Variants in PGAP4 observed in about 807,000 individuals in gnomAD.
PGAP4 encodes GPI-N-acetylgalactosamine transferase PGAP4.
In PGAP4, 12 loss-of-function variants were observed where a neutral mutation model predicts 28.2. The ratio of observed to expected loss-of-function variants is 0.42; its 90% CI spans 0.27 to 0.69. PGAP4 has a LOEUF of 0.69. Ranked by LOEUF, PGAP4 falls within the 30% of genes least tolerant of loss-of-function variation. PGAP4 has a pLI of 0.22. For missense variants in PGAP4, 425 were observed against 513.5 expected (o/e 0.83, Z 1.67); for synonymous variants, 205 against 211.8 (o/e 0.97, Z 0.28).
At chr9:101,498,856 T>C (rs946831474) in intron 2 of PGAP4, among the ~76,000 whole-genome samples, 4 of 152,062 alleles carry the variant, frequency 2.6e-5, no homozygotes, top group Admixed American at 2.6e-4. Flanking sequence ...TTTAATTAGC[T>C]ATCTTGTGTC....
intron 2 of PGAP4, among the ~76,000 whole-genome samples, chr9:101,500,436 T>G (rs2118592265): frequency 6.6e-6 from 1 of 152,168 alleles, no homozygotes; most frequent in African/African-American, 2.4e-5. Context: ...GCCTCCTTCT[T>G]ACAAGGACAC....
At position 101,476,236 on chromosome 9, in the gene PGAP4, C is replaced by G; in HGVS notation, c.857G>C (p.Arg286Pro). ...LTWIYMRFASRPGFSWPVMLF... is the reference protein window; with the variant it reads ...LTWIYMRFASPPGFSWPVMLF... ...CATTACAGGCCAGCTAAACCCTGGG[C>G]GGCTGGCAAACCTCATGTATATCCA... Residue 286 changes from arginine (R) to proline (P), a missense_variant, in exon 2 of 2, where the codon CGC (arginine) becomes CCC (proline). Arg to Pro is a moderately radical substitution (Grantham distance 103). Transcript: ENST00000374848. The surrounding 1 kb of genome is among the most constrained non-coding windows in gnomAD (Gnocchi z 7.0). The G allele has an allele frequency of 6.2e-7, 1 of 1,614,096 alleles. No individual in the cohort carries two copies. Among genetic ancestry groups the G allele is most frequent in the Non-Finnish European group, 8.5e-7 (1 of 1,180,012 alleles).
At chr9:101,524,652 G>A (rs1324751153) in intron 2 of PGAP4, among the ~76,000 whole-genome samples, 1 of 152,186 alleles carries the variant, frequency 6.6e-6, no homozygotes, top group Non-Finnish European at 1.5e-5. Context: ...GGGCCTTACT[G>A]CTGCTTCCTC....
At chr9:101,515,040 G>A (rs1421529617) in intron 2 of PGAP4, among the ~76,000 whole-genome samples, 2 of 152,152 alleles carry the variant, frequency 1.3e-5, no homozygotes, top group African/African-American at 4.8e-5. Flanking sequence ...TGAGTGCTAT[G>A]TTAGTTTTCT....
chr9:101,522,757 G>A (rs1452095436), intron 2 of PGAP4, among the ~76,000 whole-genome samples: 2 of 152,070 alleles, frequency 1.3e-5, no homozygotes, highest in African/African-American at 4.8e-5. Context: ...TCATGTTTTT[G>A]TTGCCTGAGT....
intron 2 of PGAP4, among the ~76,000 whole-genome samples, chr9:101,500,592 A>G (rs1476585357): frequency 6.6e-6 from 1 of 151,736 alleles, no homozygotes; most frequent in African/African-American, 2.4e-5. Flanking sequence ...GGAAATAGAT[A>G]TCTTTGGGGG....
Position 101,474,679 on chromosome 9 carries a change from C to A in PGAP4, c.*1202G>T, listed in dbSNP as rs189445062. On this transcript the variant is annotated 3_prime_UTR_variant, in exon 2 of 2. Transcript: ENST00000374848. ...CTGGTACATAGGTGGCAGCTCCATG[C>A]CCTATCTCATACTTTAAACAACATC... The A allele has an allele frequency of 9.8e-5, 15 of 152,310 alleles. No homozygotes were observed. In the South Asian group the frequency reaches 1.2e-3, roughly 13 times the overall value. 9.4% of individuals were successfully genotyped at this position (152,310 alleles called of 1,614,324 possible). A position where few individuals can be genotyped will look rare whatever the true frequency, so the allele number is the denominator to read the frequency against.
rs964963937 is a variant in PGAP4 at position 101,473,718 on chromosome 9, G to A, written c.*2163C>T. 2 of 152,238 alleles carry A rather than the reference G, an allele frequency of 1.3e-5. No individual in the cohort carries two copies. Among genetic ancestry groups the A allele is most frequent in the African/African-American group, 4.8e-5 (2 of 41,438 alleles). The allele number at this position is 152,238 out of a possible 1,614,324, so 9.4% of individuals were successfully genotyped here. A position where few individuals can be genotyped will look rare whatever the true frequency, so the allele number is the denominator to read the frequency against. ...TAAACCAGCAGTGCTTCCCTATCTT[G>A]GGCCTGGCTAGCTTAAAGGGGCTCT... On this transcript the variant is annotated 3_prime_UTR_variant, in exon 2 of 2. Transcript: ENST00000374848.
At chr9:101,501,879 G>A in intron 2 of PGAP4, 1 of 440,354 alleles carries the variant, frequency 2.3e-6, no homozygotes, top group Non-Finnish European at 4.5e-6. Flanking sequence ...ATGATCTGGT[G>A]GAACATGTTT....
chr9:101,498,649 A>G (rs1234854844), intron 2 of PGAP4, among the ~76,000 whole-genome samples: 2 of 152,030 alleles, frequency 1.3e-5, no homozygotes, highest in East Asian at 3.9e-4. Context: ...TTAACTGTAT[A>G]GTTGCAGGTT....
intron 2 of PGAP4, among the ~76,000 whole-genome samples, chr9:101,499,203 A>G (rs1564098513): frequency 6.6e-6 from 1 of 152,044 alleles, no homozygotes; most frequent in East Asian, 1.9e-4. Flanking sequence ...TAGATCCCAA[A>G]TAAAGTAAAA....
intron 2 of PGAP4, among the ~76,000 whole-genome samples, chr9:101,495,544 A>G (rs2118583468): frequency 6.9e-6 from 1 of 145,550 alleles, no homozygotes; most frequent in African/African-American, 2.5e-5. Context: ...GACCTAATTT[A>G]GGATTTTGAA....
Position 101,476,553 on chromosome 9 carries a change from C to G in PGAP4, c.540G>C (p.Ser180=). The part of the protein sequence containing the change: ...GTEDDYGDDP[S]TNSFEKEKQD... ...GCTTCTCTTTCTCAAACGAGTTGGT[C>G]GAAGGGTCATCACCATAATCATCCT... is the stretch of plus-strand genomic sequence containing the variant. The change falls in exon 2 of 2, where the codon TCG becomes TCC. Residue 180 remains serine (S), a synonymous_variant. Coordinates refer to ENST00000374848, the MANE Select transcript of PGAP4 (RefSeq NM_032342.3). This position sits in a 1 kb window ranked among gnomAD's most constrained non-coding sequence, Gnocchi z 7.0. 6.2e-7 allele frequency: 1 copy of G among 1,614,120 alleles called. No homozygotes were observed. The highest frequency in any genetic ancestry group is 8.5e-7 in the Non-Finnish European group (1 of 1,180,024).
chr9:101,496,012 A>G (rs1826744502), intron 2 of PGAP4, among the ~76,000 whole-genome samples: 2 of 151,530 alleles, frequency 1.3e-5, no homozygotes, highest in Admixed American at 6.6e-5. Context: ...TATATTATAG[A>G]GGAATGTAAA....
intron 2 of PGAP4, among the ~76,000 whole-genome samples, chr9:101,496,650 C>T (rs1161798785): frequency 6.6e-6 from 1 of 150,710 alleles, no homozygotes; most frequent in East Asian, 1.9e-4. Context: ...TTGTATACAC[C>T]ATTGATTACA....
At chr9:101,493,540 GT>G (rs1178076272) in intron 2 of PGAP4, among the ~76,000 whole-genome samples, 4 of 152,080 alleles carry the variant, frequency 2.6e-5, no homozygotes, top group African/African-American at 9.7e-5. Context: ...CTTAGGTTAG[GT>G]TTTGTGAAAT....
chr9:101,480,363 G>GTTTGT (rs1554707803), intron 1 of PGAP4, among the ~76,000 whole-genome samples: 17 of 151,458 alleles, frequency 1.1e-4, no homozygotes, highest in Non-Finnish European at 2.2e-4. Flanking sequence ...TGTTGTTGTT[G>GTTTGT]TTGTTTGTTT....
intron 2 of PGAP4, among the ~76,000 whole-genome samples, chr9:101,514,905 C>A (rs1390733536): frequency 6.6e-6 from 1 of 152,016 alleles, no homozygotes; most frequent in Non-Finnish European, 1.5e-5. Context: ...CTCAAAAGAA[C>A]CAGGGGACAC....
At chr9:101,490,874 C>A (rs1290738329), upstream of PGAP4, among the ~76,000 whole-genome samples, 1 of 152,168 alleles carries the variant, frequency 6.6e-6, no homozygotes, top group Non-Finnish European at 1.5e-5. Context: ...AAGAATATAT[C>A]TTTGCTTCCT....
Sources: gnomAD v4.1 joint callset for allele counts (sites outside exome capture counted in the v4.1 genomes callset) on GRCh38, gnomAD v4.1.1 for gene constraint, Gnocchi (gnomAD v3.1) non-coding constraint, MANE v1.5 for transcripts, NCBI Gene and HGNC (gene_info 2026-07-23, HGNC 2026-07-21) for gene names.